Variants in ASIC2 observed in about 807,000 individuals in gnomAD.
ASIC2 encodes the protein acid sensing ion channel subunit 2.
ASIC2 carries 25 observed loss-of-function variants against 57.3 expected under a neutral mutation model. The observed-to-expected ratio is 0.44, with a 90% CI of 0.32 to 0.61. The LOEUF is 0.61. Ranked by LOEUF, ASIC2 falls within the 20% of genes least tolerant of loss-of-function variation. The pLI is 0.06. For synonymous variants in ASIC2, 319 were observed against 307.5 expected (o/e 1.04, Z -0.39); for missense variants, 641 against 738.1 (o/e 0.87, Z 1.52).
chr17:33,340,107 T>G (rs1400048527), intron 1 of ASIC2, among the ~76,000 whole-genome samples: 3 of 152,152 alleles, frequency 2.0e-5, no homozygotes, highest in Non-Finnish European at 2.9e-5. Context: ...CATAACCAAT[T>G]GCCACAAATG....
intron 4 of ASIC2, among the ~76,000 whole-genome samples, chr17:33,027,614 AGGTCATACAGTAAATGAGT>A (rs372627867): frequency 1.3e-5 from 2 of 152,356 alleles, no homozygotes; most frequent in African/African-American, 4.8e-5. Flanking sequence ...TTTAGTAACC[AGGTCATACAGTAAATGAGT>A]GGAAGAGCCT....
At chr17:33,846,594 C>T (rs1265338282) in intron 1 of ASIC2, among the ~76,000 whole-genome samples, 2 of 152,202 alleles carry the variant, frequency 1.3e-5, no homozygotes, top group African/African-American at 2.4e-5. Flanking sequence ...GCTTAACTGG[C>T]ATTTCCAATC....
chr17:33,577,247 C>T (rs1420640220), intron 1 of ASIC2, among the ~76,000 whole-genome samples: 1 of 152,114 alleles, frequency 6.6e-6, no homozygotes, highest in African/African-American at 2.4e-5. Flanking sequence ...AAGAGGAGTC[C>T]AAGGCTTCTG....
intron 1 of ASIC2, among the ~76,000 whole-genome samples, chr17:33,862,219 G>C (rs1031060832): frequency 6.6e-6 from 1 of 152,124 alleles, no homozygotes; most frequent in Non-Finnish European, 1.5e-5. Context: ...CAAACATTTT[G>C]CAAAACCTTC....
chr17:33,956,997 G>A (rs543756252), intron 1 of ASIC2, among the ~76,000 whole-genome samples: 2 of 152,336 alleles, frequency 1.3e-5, no homozygotes, highest in East Asian at 3.9e-4. Flanking sequence ...TGCCCTGACT[G>A]CTCACCTGGC....
At chr17:33,762,379 G>T (rs2951673) in intron 1 of ASIC2, among the ~76,000 whole-genome samples, 49,485 of 152,046 alleles carry the variant, frequency 0.33, 10,067 homozygotes, top group Non-Finnish European at 0.48. Context: ...GAAGGAGTGG[G>T]TTATGGGAGC....
chr17:33,807,465 GC>G (rs1417509893), intron 1 of ASIC2, among the ~76,000 whole-genome samples: 1 of 152,164 alleles, frequency 6.6e-6, no homozygotes, highest in Non-Finnish European at 1.5e-5. Flanking sequence ...AGCAAGAAAG[GC>G]AAAGACATAA....
intron 1 of ASIC2, among the ~76,000 whole-genome samples, chr17:33,563,521 A>G (rs1200046674): frequency 6.6e-6 from 1 of 152,138 alleles, no homozygotes; most frequent in African/African-American, 2.4e-5. Context: ...ATTTTTCACT[A>G]AATGCTGAAG....
chr17:33,951,757 ATT>A (rs11418012), intron 1 of ASIC2, among the ~76,000 whole-genome samples: 105 of 135,572 alleles, frequency 7.7e-4, no homozygotes, highest in Admixed American at 1.2e-3. Flanking sequence ...TAATTTTTGT[ATT>A]TTTTTTTTTT....
At chr17:33,156,477 G>C (rs1905005822) in intron 1 of ASIC2, among the ~76,000 whole-genome samples, 1 of 152,090 alleles carries the variant, frequency 6.6e-6, no homozygotes, top group South Asian at 2.1e-4. Flanking sequence ...GTAAATGCTG[G>C]CTCGGTGTGG....
chr17:33,859,267 G>A (rs939484670), intron 1 of ASIC2, among the ~76,000 whole-genome samples: 1 of 152,180 alleles, frequency 6.6e-6, no homozygotes, highest in Non-Finnish European at 1.5e-5. Context: ...CTCCAGGCTA[G>A]AAGCTATAGC....
chr17:33,335,653 G>A (rs1907485122), intron 1 of ASIC2, among the ~76,000 whole-genome samples: 1 of 152,148 alleles, frequency 6.6e-6, no homozygotes, highest in Non-Finnish European at 1.5e-5. Flanking sequence ...AGCATTCCCC[G>A]TGGCTACCAC....
At chr17:33,384,897 C>T (rs940696993) in intron 1 of ASIC2, among the ~76,000 whole-genome samples, 3 of 152,194 alleles carry the variant, frequency 2.0e-5, no homozygotes, top group African/African-American at 7.2e-5. Flanking sequence ...CATAAATACC[C>T]AGAAGGCAGG....
chr17:33,522,844 G>A (rs1373290692), intron 1 of ASIC2, among the ~76,000 whole-genome samples: 1 of 152,140 alleles, frequency 6.6e-6, no homozygotes, highest in Non-Finnish European at 1.5e-5. Context: ...GTGTGGCATC[G>A]CAATATCCCT....
At chr17:33,272,795 T>C (rs1022368784) in intron 1 of ASIC2, among the ~76,000 whole-genome samples, 2 of 152,246 alleles carry the variant, frequency 1.3e-5, no homozygotes, top group African/African-American at 4.8e-5. Flanking sequence ...ATTATCTCTT[T>C]GGTTTCTCAG....
intron 1 of ASIC2, chr17:34,051,678 T>A (rs1025414328): frequency 1.3e-5 from 2 of 152,194 alleles, no homozygotes; most frequent in Non-Finnish European, 1.5e-5. Context: ...GTTAGATTAA[T>A]AAGTGAACAA....
intron 1 of ASIC2, among the ~76,000 whole-genome samples, chr17:33,125,744 G>T (rs1199791822): frequency 6.6e-6 from 1 of 152,212 alleles, no homozygotes; most frequent in Non-Finnish European, 1.5e-5. Context: ...CATAAAGCAA[G>T]GTCCACCTGT....
intron 2 of ASIC2, among the ~76,000 whole-genome samples, chr17:33,097,021 C>A (rs927545207): frequency 6.6e-6 from 1 of 152,336 alleles, no homozygotes; most frequent in South Asian, 2.1e-4. Context: ...GAAACAGGCT[C>A]GGAGAGGTCA....
At chr17:33,158,227 C>T (rs979563302) in intron 1 of ASIC2, among the ~76,000 whole-genome samples, 1 of 152,148 alleles carries the variant, frequency 6.6e-6, no homozygotes, top group African/African-American at 2.4e-5. Flanking sequence ...CTGCTCCATC[C>T]CAGGTGCCTT....
Sources: gnomAD v4.1 joint callset for allele counts (sites outside exome capture counted in the v4.1 genomes callset) on GRCh38, gnomAD v4.1.1 for gene constraint, MANE v1.5 for transcripts, NCBI Gene and HGNC (gene_info 2026-07-23, HGNC 2026-07-21) for gene names.